The following SLC5A11 variants were observed in gnomAD, a reference collection of about 807,000 sequenced individuals.
SLC5A11 encodes solute carrier family 5 member 11, also known as sodium/myo-inositol cotransporter 2.
SLC5A11 carries 48 observed loss-of-function variants against 69.8 expected under a neutral mutation model. The observed-to-expected ratio is 0.69, with a 90% CI of 0.55 to 0.87. The LOEUF (loss-of-function observed/expected upper bound fraction) is 0.87. Ranked by LOEUF, SLC5A11 falls within the 40% of genes least tolerant of loss-of-function variation. The pLI is 0.00. For synonymous variants in SLC5A11, 319 were observed against 342.4 expected (o/e 0.93, Z 0.75); for missense variants, 784 against 866.1 (o/e 0.91, Z 1.19).
intron 5 of SLC5A11, among the ~76,000 whole-genome samples, chr16:24,872,434 G>A (rs2547036): frequency 0.18 from 27,936 of 152,020 alleles, 2,703 homozygotes; most frequent in Non-Finnish European, 0.21. Context: ...AACATCCAAG[G>A]CACACAGAAG....
chr16:24,905,640 G>GCGCGCGCGCGCGCGCA (rs1443035551), intron 10 of SLC5A11, among the ~76,000 whole-genome samples: 1 of 136,698 alleles, frequency 7.3e-6, no homozygotes, highest in African/African-American at 2.8e-5. Flanking sequence ...GCGCGCGCGC[G>GCGCGCGCGCGCGCGCA]CACACACACA....
intron 3 of SLC5A11, among the ~76,000 whole-genome samples, chr16:24,866,696 C>T (rs562747204): frequency 6.6e-6 from 1 of 151,504 alleles, no homozygotes; most frequent in East Asian, 1.9e-4. Context: ...AAATATATAA[C>T]ATACAAACAG....
At chr16:24,852,935 T>C (rs28369621) in intron 1 of SLC5A11, among the ~76,000 whole-genome samples, 52 of 116,650 alleles carry the variant, frequency 4.5e-4, no homozygotes, top group Admixed American at 1.1e-3. Flanking sequence ...TCTACTGAGT[T>C]CCCAGGGCCT....
intron 4 of SLC5A11, among the ~76,000 whole-genome samples, chr16:24,871,309 C>T (rs150724516): frequency 0.017 from 2,615 of 152,200 alleles, 25 homozygotes; most frequent in Non-Finnish European, 0.027. Flanking sequence ...CTCGCTCTGT[C>T]GCCCAAGCTG....
chr16:24,896,712 G>C (rs1006112428), intron 9 of SLC5A11, among the ~76,000 whole-genome samples: 2 of 152,142 alleles, frequency 1.3e-5, no homozygotes, highest in Non-Finnish European at 2.9e-5. Context: ...GCTTGCCCAA[G>C]GTCAGATAGG....
intron 1 of SLC5A11, among the ~76,000 whole-genome samples, chr16:24,850,034 C>G (rs1423865095): frequency 6.6e-6 from 1 of 152,042 alleles, no homozygotes; most frequent in Non-Finnish European, 1.5e-5. Flanking sequence ...ACCTCTTGGG[C>G]TTAAACAATC....
intron 6 of SLC5A11, chr16:24,876,956 GA>G (rs2047715804): frequency 5.3e-6 from 3 of 562,064 alleles, no homozygotes; most frequent in Non-Finnish European, 7.5e-6. Flanking sequence ...GTGGGGAGGA[GA>G]AGGGTGATGT....
intron 8 of SLC5A11, among the ~76,000 whole-genome samples, chr16:24,889,700 A>C (rs1257824985): frequency 6.6e-6 from 1 of 151,454 alleles, no homozygotes; most frequent in Non-Finnish European, 1.5e-5. Context: ...GGCACCCACC[A>C]CCACGCCTGG....
intron 2 of SLC5A11, chr16:24,859,082 T>A: frequency 4.5e-6 from 1 of 220,380 alleles, no homozygotes; most frequent in Non-Finnish European, 8.8e-6. Flanking sequence ...TAATTTAAGA[T>A]CCTCATCCTG....
At chr16:24,895,521 AG>A (rs1265814607) in intron 9 of SLC5A11, among the ~76,000 whole-genome samples, 2 of 147,914 alleles carry the variant, frequency 1.4e-5, no homozygotes, top group African/African-American at 5.0e-5. Flanking sequence ...AAAAAAAAGT[AG>A]GAAAGGAGAG....
chr16:24,890,884 G>A (rs1440702116), exon 9 of SLC5A11: 2 of 1,614,156 alleles, frequency 1.2e-6, no homozygotes, highest in Non-Finnish European at 1.7e-6. Context: ...GCCGCGGTTG[G>A]TGGGATGGAA....
rs112155580 is a variant in SLC5A11 at position 24,910,249 on chromosome 16, T to G, written c.1651-57T>G. The stretch of plus-strand genomic sequence containing the variant: ...TTGGGTGGGGAGTGTGAGAAAAGGA[T>G]GGACAACCCCGGCCCCACCTCCACC... On this transcript the variant is annotated intron_variant, in intron 14 of 15. Transcript: ENST00000347898. The G allele has an allele frequency of 3.4e-3, 5,432 of 1,575,048 alleles. 102 individuals are homozygous for G. In the African/African-American group the frequency reaches 0.05, roughly 15 times the overall value.
chr16:24,885,427 G>A (rs1410306408), intron 8 of SLC5A11, among the ~76,000 whole-genome samples: 8 of 152,118 alleles, frequency 5.3e-5, no homozygotes, highest in Non-Finnish European at 1.0e-4. Flanking sequence ...CAAGAGGATC[G>A]CTTGAGCTCA....
intron 3 of SLC5A11, among the ~76,000 whole-genome samples, chr16:24,868,287 CAAAAA>C (rs374049168): frequency 2.8e-4 from 36 of 129,122 alleles, no homozygotes; most frequent in African/African-American, 8.7e-4. Context: ...CAGATTCTTC[CAAAAA>C]AAAAAAAAAA....
In SLC5A11 at chr16:24,904,942, C is replaced by CCT. The variant is rs200088995; in HGVS notation, c.1007-1713_1007-1712dup. ...GTCCTAATGCTCTCCCTCCCCTTGC[C>CCT]CTCCACCCCCCGACAGGCCCCAGTG... On this transcript the variant is annotated intron_variant, in intron 10 of 15. Transcript: ENST00000347898. 3.7e-4 allele frequency among the ~76,000 whole-genome samples: 56 copies of CCT among 151,972 alleles called. No individual in the cohort carries two copies. In the East Asian group the frequency reaches 9.7e-3, roughly 26 times the overall value.
chr16:24,860,121 A>G (rs2059700221), intron 2 of SLC5A11, among the ~76,000 whole-genome samples: 1 of 152,188 alleles, frequency 6.6e-6, no homozygotes, highest in Admixed American at 6.5e-5. Flanking sequence ...CCCCATCACT[A>G]TTAAAAATAC....
intron 3 of SLC5A11, among the ~76,000 whole-genome samples, chr16:24,868,692 A>G (rs2152292024): frequency 6.6e-6 from 1 of 152,250 alleles, no homozygotes; most frequent in African/African-American, 2.4e-5. Flanking sequence ...AAGGATAAAC[A>G]TGAAATCCAT....
At chr16:24,890,591 T>C (rs2048727668) in intron 8 of SLC5A11, among the ~76,000 whole-genome samples, 1 of 151,814 alleles carries the variant, frequency 6.6e-6, no homozygotes, top group Admixed American at 6.6e-5. Context: ...TTCATTACTT[T>C]GTGACGGAGG....
At chr16:24,847,741 A>G (rs2059093556) in intron 1 of SLC5A11, among the ~76,000 whole-genome samples, 1 of 152,198 alleles carries the variant, frequency 6.6e-6, no homozygotes, top group East Asian at 1.9e-4. Flanking sequence ...CATCCTGCAG[A>G]TAGGACTTGG....
Sources: gnomAD v4.1 joint callset for allele counts (sites outside exome capture counted in the v4.1 genomes callset) on GRCh38, gnomAD v4.1.1 for gene constraint, MANE v1.5 for transcripts, NCBI Gene and HGNC (gene_info 2026-07-23, HGNC 2026-07-21) for gene names.